Variants in MCC observed in about 807,000 individuals in gnomAD.
The protein encoded by MCC is colorectal mutant cancer protein.
Under a neutral mutation model 116.2 loss-of-function variants are expected in MCC, and 90 were observed. The ratio of observed to expected loss-of-function variants is 0.77; its 90% CI spans 0.65 to 0.92. The LOEUF (loss-of-function observed/expected upper bound fraction) is 0.92. Among genes scored for constraint, MCC ranks in the 40% least tolerant of loss-of-function variants. The pLI is 0.00. For synonymous variants in MCC, 578 were observed against 510.5 expected (o/e 1.13, Z -1.78); for missense variants, 1,516 against 1,312.2 (o/e 1.16, Z -2.40).
chr5:113,144,999 G>A (rs1187153918), intron 4 of MCC, among the ~76,000 whole-genome samples: 1 of 152,202 alleles, frequency 6.6e-6, no homozygotes, highest in Non-Finnish European at 1.5e-5. Context: ...CTCTTTCCAT[G>A]AAGTTAGGCC....
At chr5:113,327,556 AAAAAAATATATATATATAT>A (rs1486610166) in intron 3 of MCC, among the ~76,000 whole-genome samples, 14 of 106,228 alleles carry the variant, frequency 1.3e-4, no homozygotes, top group Non-Finnish European at 2.5e-4. Flanking sequence ...AAAAAAAAAA[AAAAAAATATATATATATAT>A]ATATATATAT....
intron 1 of MCC, among the ~76,000 whole-genome samples, chr5:113,424,914 A>C (rs945860927): frequency 2.0e-5 from 3 of 152,148 alleles, no homozygotes; most frequent in Non-Finnish European, 2.9e-5. Context: ...AAGGGTCAAA[A>C]AATAAGCTCA....
At chr5:113,120,857 C>T (rs1757694443) in intron 6 of MCC, among the ~76,000 whole-genome samples, 2 of 152,184 alleles carry the variant, frequency 1.3e-5, no homozygotes, top group Admixed American at 6.5e-5. Context: ...TATCTGAATG[C>T]CTACTGCCTT....
intron 3 of MCC, among the ~76,000 whole-genome samples, chr5:113,210,381 C>G (rs951565145): frequency 1.3e-5 from 2 of 148,234 alleles, no homozygotes; most frequent in Non-Finnish European, 3.0e-5. Flanking sequence ...ATATGAAGCC[C>G]ATATCTTAAA....
At chr5:113,372,001 A>C (rs1194264721) in intron 2 of MCC, among the ~76,000 whole-genome samples, 1 of 152,226 alleles carries the variant, frequency 6.6e-6, no homozygotes, top group Non-Finnish European at 1.5e-5. Flanking sequence ...TCACTGCCAC[A>C]GAAATTGGAA....
intron 14 of MCC, among the ~76,000 whole-genome samples, chr5:113,055,566 C>A (rs1752777451): frequency 6.6e-6 from 1 of 152,192 alleles, no homozygotes; most frequent in African/African-American, 2.4e-5. Flanking sequence ...GAATGGGAAA[C>A]TCCTGAGCAC....
intron 4 of MCC, among the ~76,000 whole-genome samples, chr5:113,148,545 TA>T (rs1223725733): frequency 6.6e-6 from 1 of 152,202 alleles, no homozygotes; most frequent in African/African-American, 2.4e-5. Flanking sequence ...AGAGAGCTGG[TA>T]AAACTTAATA....
At chr5:113,268,565 C>T (rs1312385545) in intron 3 of MCC, among the ~76,000 whole-genome samples, 1 of 152,126 alleles carries the variant, frequency 6.6e-6, no homozygotes, top group Non-Finnish European at 1.5e-5. Flanking sequence ...CTAGATGATA[C>T]GACATCTTCT....
chr5:113,431,318 T>C (rs781606550), intron 1 of MCC, among the ~76,000 whole-genome samples: 3 of 152,100 alleles, frequency 2.0e-5, no homozygotes, highest in Non-Finnish European at 2.9e-5. Context: ...AAAGTAGTGA[T>C]TTACACTTCT....
chr5:113,108,652 CAAAAAA>C (rs58617659), intron 6 of MCC, among the ~76,000 whole-genome samples: 1 of 115,326 alleles, frequency 8.7e-6, no homozygotes. Context: ...GACTCCATTT[CAAAAAA>C]AAAAAAAAAA....
intron 3 of MCC, among the ~76,000 whole-genome samples, chr5:113,179,078 A>C (rs887535753): frequency 6.6e-6 from 1 of 152,228 alleles, no homozygotes; most frequent in Non-Finnish European, 1.5e-5. Flanking sequence ...ACACTCTTCC[A>C]TGTCTCATTC....
chr5:113,260,067 T>C (rs975015812), intron 3 of MCC, among the ~76,000 whole-genome samples: 11 of 151,960 alleles, frequency 7.2e-5, no homozygotes, highest in Admixed American at 6.6e-5. Flanking sequence ...AGAGAATCAA[T>C]GACATTCAAC....
Position 113,417,297 on chromosome 5 carries a change from T to C in MCC, c.171-32085A>G, listed in dbSNP as rs185514348. ...ATTGCTTTTTTATGCTCCTGCCTAATATATACCTTTCCAAAATGCCTACAA... is the reference window on the plus strand; with the variant it reads ...ATTGCTTTTTTATGCTCCTGCCTAACATATACCTTTCCAAAATGCCTACAA... On this transcript the variant is annotated intron_variant, in intron 1 of 18. Coordinates refer to ENST00000408903, the MANE Select transcript of MCC (RefSeq NM_001085377.2). Among the ~76,000 whole-genome samples, 22 of 152,316 alleles carry C rather than the reference T, an allele frequency of 1.4e-4. No homozygotes were observed. In the East Asian group the frequency reaches 4.2e-3, roughly 29 times the overall value.
In MCC at chr5:113,261,237, A is replaced by G. The variant is rs568104056; in HGVS notation, c.627+79282T>C. Among the ~76,000 whole-genome samples, 3 of 152,268 alleles carry G rather than the reference A, an allele frequency of 2.0e-5. No individual in the cohort carries two copies. The South Asian group carries it at 6.2e-4, about 32-fold the overall frequency. ...GGCAACATCATCTAACACAAAGCTT[A>G]TTTTATGCTTAAGTATTGAATATCT... On this transcript the variant is annotated intron_variant, in intron 3 of 18. Transcript: ENST00000408903.
At chr5:113,214,784 T>C (rs1763250733) in intron 3 of MCC, among the ~76,000 whole-genome samples, 1 of 152,226 alleles carries the variant, frequency 6.6e-6, no homozygotes, top group African/African-American at 2.4e-5. Context: ...AGCTCAAGTT[T>C]CATGTGGTGG....
At chr5:113,290,179 C>A (rs770317546) in intron 3 of MCC, among the ~76,000 whole-genome samples, 2 of 152,190 alleles carry the variant, frequency 1.3e-5, no homozygotes, top group East Asian at 1.9e-4. Flanking sequence ...TTACTCAACA[C>A]GCAAATGGTG....
At chr5:113,288,710 G>A (rs749133582) in intron 3 of MCC, among the ~76,000 whole-genome samples, 18 of 152,140 alleles carry the variant, frequency 1.2e-4, no homozygotes, top group Non-Finnish European at 2.2e-4. Context: ...AAAAGCTGAG[G>A]GCAGTAACAG....
At chr5:113,041,210 C>T (rs1236858191) in intron 17 of MCC, among the ~76,000 whole-genome samples, 2 of 152,170 alleles carry the variant, frequency 1.3e-5, no homozygotes, top group Non-Finnish European at 2.9e-5. Flanking sequence ...CACAAGGCAA[C>T]CTTCCATCCA....
At chr5:113,195,335 C>G (rs2150315717) in intron 3 of MCC, among the ~76,000 whole-genome samples, 1 of 152,324 alleles carries the variant, frequency 6.6e-6, no homozygotes, top group East Asian at 1.9e-4. Context: ...TTATAACAAC[C>G]AGGACACAGT....
Sources: gnomAD v4.1 joint callset for allele counts (sites outside exome capture counted in the v4.1 genomes callset) on GRCh38, gnomAD v4.1.1 for gene constraint, MANE v1.5 for transcripts, NCBI Gene and HGNC (gene_info 2026-07-23, HGNC 2026-07-21) for gene names.